Variants in MTHFD2L observed in about 807,000 individuals in gnomAD.
MTHFD2L encodes bifunctional methylenetetrahydrofolate dehydrogenase/cyclohydrolase 2, mitochondrial.
In MTHFD2L, 29 loss-of-function variants were observed where a neutral mutation model predicts 34.9. The ratio of observed to expected loss-of-function variants is 0.83; its 90% CI spans 0.62 to 1.13. The LOEUF (loss-of-function observed/expected upper bound fraction) is 1.13, where lower values mean the gene tolerates loss of function less well. MTHFD2L is among the 50% of genes most tolerant of loss of function. The probability of loss-of-function intolerance (pLI) is 0.00; values close to 1 mark genes in which losing one functional copy is unlikely to be tolerated. For missense variants in MTHFD2L, 481 were observed against 446.5 expected (o/e 1.08, Z -0.70); for synonymous variants, 167 against 155.7 (o/e 1.07, Z -0.54).
chr4:74,201,512 G>A (rs1045317990), intron 5 of MTHFD2L, 142 bp downstream of exon 5: 4 of 478,594 alleles, frequency 8.4e-6, no homozygotes, highest in Non-Finnish European at 1.1e-5. Flanking sequence ...ATTTAGTGAT[G>A]TGAGAGTCTT....
At chr4:74,258,143 G>C (rs1371118485) in intron 6 of MTHFD2L, among the ~76,000 whole-genome samples, 1 of 152,066 alleles carries the variant, frequency 6.6e-6, no homozygotes, top group Non-Finnish European at 1.5e-5. Context: ...ATGTAAATTG[G>C]TTAAGCCATC....
At chr4:74,126,298 A>G (rs1722067664) in intron 1 of MTHFD2L, among the ~76,000 whole-genome samples, 1 of 152,220 alleles carries the variant, frequency 6.6e-6, no homozygotes, top group Admixed American at 6.5e-5. Context: ...AAAGATCAAA[A>G]TAATTCTAAT....
chr4:74,221,208 TATTA>T (rs199676193), intron 5 of MTHFD2L, among the ~76,000 whole-genome samples: 2,248 of 151,542 alleles, frequency 0.015, 63 homozygotes, highest in African/African-American at 0.052. Context: ...TACTTTTTGG[TATTA>T]ATTAAAATTT....
At chr4:74,252,194 G>T (rs1743409867) in intron 6 of MTHFD2L, among the ~76,000 whole-genome samples, 1 of 152,214 alleles carries the variant, frequency 6.6e-6, no homozygotes, top group Admixed American at 6.5e-5. Flanking sequence ...ATACAGTTAT[G>T]GGAGTCTAAA....
chr4:74,228,707 G>A (rs1739557935), intron 6 of MTHFD2L, among the ~76,000 whole-genome samples: 3 of 152,046 alleles, frequency 2.0e-5, no homozygotes, highest in Admixed American at 1.3e-4. Context: ...TCAGCCTTGA[G>A]TACAGATATT....
chr4:74,215,404 G>A lies in MTHFD2L; in HGVS notation c.713-9898G>A, dbSNP rs111514580. On this transcript the variant is annotated intron_variant, in intron 5 of 7. Transcript: ENST00000325278. Reference sequence around the variant, plus strand: ...CGTAGTATCTGGGCTGGAATGCATCGTCCCTCACATCACAGTTTCTCACAG... The same window carrying A: ...CGTAGTATCTGGGCTGGAATGCATCATCCCTCACATCACAGTTTCTCACAG... Among the ~76,000 whole-genome samples, 1,156 of 151,874 alleles carry A rather than the reference G, an allele frequency of 7.6e-3. 39 individuals are homozygous for A. The highest frequency in any genetic ancestry group is 0.027 in the African/African-American group (1,108 of 41,172).
At chr4:74,231,414 C>T (rs1412490044) in intron 6 of MTHFD2L, among the ~76,000 whole-genome samples, 1 of 152,122 alleles carries the variant, frequency 6.6e-6, no homozygotes, top group Non-Finnish European at 1.5e-5. Context: ...TCATGCAACC[C>T]GGGAGTACAA....
intron 1 of MTHFD2L, among the ~76,000 whole-genome samples, chr4:74,142,895 C>T (rs1032955479): frequency 2.6e-5 from 4 of 152,110 alleles, no homozygotes; most frequent in African/African-American, 4.8e-5. Context: ...CTCTGCCACT[C>T]GAGTAATCTT....
intron 6 of MTHFD2L, among the ~76,000 whole-genome samples, chr4:74,250,595 A>G (rs1005560460): frequency 5.3e-5 from 8 of 152,156 alleles, no homozygotes; most frequent in African/African-American, 1.7e-4. Flanking sequence ...ATATTGTTCT[A>G]CTATTTCCTG....
chr4:74,268,400 A>G (rs990905585), intron 6 of MTHFD2L: 3 of 359,734 alleles, frequency 8.3e-6, no homozygotes, highest in African/African-American at 6.6e-5. Flanking sequence ...TGTTCCTTTT[A>G]TATCTGAGTT....
chr4:74,212,053 G>T (rs1476489469), intron 5 of MTHFD2L, among the ~76,000 whole-genome samples: 5 of 151,816 alleles, frequency 3.3e-5, no homozygotes, highest in African/African-American at 9.7e-5. Context: ...ATTTTTTGTT[G>T]TATCTATTTG....
At chr4:74,246,425 G>T (rs183164536) in intron 6 of MTHFD2L, among the ~76,000 whole-genome samples, 3,842 of 151,744 alleles carry the variant, frequency 0.025, 77 homozygotes, top group Middle Eastern at 0.037. Flanking sequence ...CCATTTTGTA[G>T]GTTGCCTGTT....
At chr4:74,269,976 G>A (rs1331820333) in intron 6 of MTHFD2L, among the ~76,000 whole-genome samples, 1 of 151,994 alleles carries the variant, frequency 6.6e-6, no homozygotes, top group Non-Finnish European at 1.5e-5. Flanking sequence ...GATGCACAAA[G>A]ATAAAATAGA....
chr4:74,286,755 T>G (rs1032352089), intron 7 of MTHFD2L, among the ~76,000 whole-genome samples: 1 of 152,188 alleles, frequency 6.6e-6, no homozygotes, highest in African/African-American at 2.4e-5. Flanking sequence ...TGATGCTTCC[T>G]GCAGGGATTG....
intron 3 of MTHFD2L, among the ~76,000 whole-genome samples, chr4:74,197,895 A>G (rs138234462): frequency 6.6e-6 from 1 of 151,962 alleles, no homozygotes; most frequent in South Asian, 2.1e-4. Context: ...AAAAAGATAT[A>G]TGTTAGATTT....
intron 5 of MTHFD2L, among the ~76,000 whole-genome samples, chr4:74,224,705 T>A (rs547200749): frequency 6.6e-6 from 1 of 152,236 alleles, no homozygotes; most frequent in Admixed American, 6.6e-5. Flanking sequence ...GACAAAAAAA[T>A]TTTGCTATTT....
intron 6 of MTHFD2L, among the ~76,000 whole-genome samples, chr4:74,278,595 A>G (rs925903521): frequency 1.7e-4 from 26 of 152,230 alleles, no homozygotes; most frequent in African/African-American, 6.0e-4. Context: ...AGCATCTGCC[A>G]TCACTGGTTG....
At chr4:74,247,334 C>G (rs946388500) in intron 6 of MTHFD2L, among the ~76,000 whole-genome samples, 1 of 151,226 alleles carries the variant, frequency 6.6e-6, no homozygotes, top group African/African-American at 2.4e-5. Context: ...GATTTTGTAT[C>G]CTGAGACTTT....
chr4:74,223,248 T>TAC (rs1012460716), intron 5 of MTHFD2L, among the ~76,000 whole-genome samples: 24 of 151,208 alleles, frequency 1.6e-4, no homozygotes, highest in African/African-American at 5.1e-4. Flanking sequence ...ACACACTACA[T>TAC]ACACACACAC....
Sources: allele counts gnomAD v4.1 joint callset (sites outside exome capture counted in the v4.1 genomes callset), GRCh38; gene constraint gnomAD v4.1.1; transcripts MANE v1.5; gene names NCBI Gene and HGNC (gene_info 2026-07-23, HGNC 2026-07-21).